The following ZFHX3 variants were observed in gnomAD, a reference collection of about 807,000 sequenced individuals.
ZFHX3 encodes the protein zinc finger homeobox 3.
ZFHX3 carries 42 observed loss-of-function variants against 279.1 expected under a neutral mutation model. That is an observed-to-expected ratio of 0.15 (90% CI 0.12 to 0.19). The LOEUF (loss-of-function observed/expected upper bound fraction) is 0.19, where lower values mean the gene tolerates loss of function less well. Among genes scored for constraint, ZFHX3 ranks in the 10% least tolerant of loss-of-function variants. The probability of loss-of-function intolerance (pLI) is 1.00; values close to 1 mark genes in which losing one functional copy is unlikely to be tolerated. For synonymous variants in ZFHX3, 2,293 were observed against 1,957.8 expected (o/e 1.17, Z -4.52); for missense variants, 4,981 against 4,754.0 (o/e 1.05, Z -1.40).
At chr16:73,470,653 C>T (rs761358381) in intron 2 of ZFHX3, among the ~76,000 whole-genome samples, 102 of 152,184 alleles carry the variant, frequency 6.7e-4, no homozygotes, top group Non-Finnish European at 1.2e-3. Flanking sequence ...CAACCTCACA[C>T]GCATTCATGT....
chr16:73,473,358 C>CAAAAAAAAAAAA (rs1300049292), intron 2 of ZFHX3, among the ~76,000 whole-genome samples: 2 of 43,162 alleles, frequency 4.6e-5, no homozygotes, highest in African/African-American at 7.9e-5. Flanking sequence ...AAAAAAAAAA[C>CAAAAAAAAAAAA]AAAAAAAAAA....
intron 5 of ZFHX3, among the ~76,000 whole-genome samples, chr16:73,206,713 T>C (rs1685196418): frequency 6.6e-6 from 1 of 152,134 alleles, no homozygotes; most frequent in African/African-American, 2.4e-5. Flanking sequence ...TTAAACAGAA[T>C]GCTCAGAAAA....
chr16:73,735,382 T>TAAAAA (rs1310717929), intron 1 of ZFHX3, among the ~76,000 whole-genome samples: 1 of 102,274 alleles, frequency 9.8e-6, no homozygotes. Context: ...TGTGTGCTTC[T>TAAAAA]AAAAAAAAAA....
chr16:72,819,793 T>A (rs968483705), intron 5 of ZFHX3, among the ~76,000 whole-genome samples: 14 of 152,218 alleles, frequency 9.2e-5, no homozygotes, highest in African/African-American at 2.9e-4. Flanking sequence ...CTGCTTACTC[T>A]AAAACAAATG....
At chr16:73,391,451 C>CAA (rs111841761) in intron 3 of ZFHX3, among the ~76,000 whole-genome samples, 29,523 of 147,716 alleles carry the variant, frequency 0.2, 2,973 homozygotes, top group East Asian at 0.35. Flanking sequence ...AACTCTGTCT[C>CAA]AAAAAAAAAA....
At position 72,793,372 on chromosome 16, in the gene ZFHX3, T is replaced by A. The variant is rs769544167; in HGVS notation, c.9310A>T (p.Thr3104Ser). ...AAQQQGMFDN[T>S]PLQALNLPTA... ...GGAAGGTTAAGGGCCTGAAGAGGGG[T>A]GTTGTCAAACATCCCTTGCTGCTGA... is the stretch of plus-strand genomic sequence containing the variant. Residue 3104 changes from threonine to serine, a missense_variant, in exon 9 of 10, where the codon ACC becomes TCC. Transcript: ENST00000268489. The surrounding 1 kb of genome is among the most constrained non-coding windows in gnomAD (Gnocchi z 4.3). 1 of 1,613,886 alleles carries A rather than the reference T, an allele frequency of 6.2e-7. No homozygotes were observed. The highest frequency in any genetic ancestry group is 1.3e-5 in the African/African-American group (1 of 74,844).
chr16:72,806,372 G>A (rs1158503005), intron 7 of ZFHX3, among the ~76,000 whole-genome samples: 1 of 152,186 alleles, frequency 6.6e-6, no homozygotes, highest in African/African-American at 2.4e-5. Flanking sequence ...TGTGCGCAGA[G>A]AGGTGAGAAC....
At chr16:73,795,160 C>A (rs948561669) in intron 1 of ZFHX3, among the ~76,000 whole-genome samples, 1 of 152,204 alleles carries the variant, frequency 6.6e-6, no homozygotes, top group Admixed American at 6.5e-5. Context: ...AGGCTCAGAC[C>A]GCAGCCAGGA....
intron 5 of ZFHX3, among the ~76,000 whole-genome samples, chr16:73,146,494 C>T (rs1486119113): frequency 6.6e-6 from 1 of 151,990 alleles, no homozygotes. Context: ...TACAAACCCC[C>T]AATGCAGCCT....
Position 72,794,804 on chromosome 16 carries a change from A to C in ZFHX3, c.7878T>G (p.Pro2626=), listed in dbSNP as rs765954350. ...CTCCTGTCCCACTGTCGTTTTCGCC[A>C]GGGCTTGCACTGGCCTTTTCCTCCA... ...RKLEEKASAS[P]GENDSGTGGE... Residue 2626 remains proline (P), a synonymous_variant, in exon 9 of 10, where the codon CCT becomes CCG. Coordinates refer to ENST00000268489, the MANE Select transcript of ZFHX3 (RefSeq NM_006885.4). The surrounding 1 kb of genome is among the most constrained non-coding windows in gnomAD (Gnocchi z 4.2). The C allele has an allele frequency of 6.2e-7, 1 of 1,614,110 alleles. No individual in the cohort carries two copies. The highest frequency in any genetic ancestry group is 1.1e-5 in the South Asian group (1 of 91,078).
intron 2 of ZFHX3, among the ~76,000 whole-genome samples, chr16:73,500,486 C>A (rs773620397): frequency 2.6e-5 from 4 of 151,976 alleles, no homozygotes; most frequent in Non-Finnish European, 4.4e-5. Flanking sequence ...TGCCACCATG[C>A]CTGGCTAATT....
At chr16:73,791,286 A>G (rs577700229) in intron 1 of ZFHX3, among the ~76,000 whole-genome samples, 1 of 152,126 alleles carries the variant, frequency 6.6e-6, no homozygotes, top group East Asian at 1.9e-4. Context: ...TTTGACTGGC[A>G]GAGTCCCAAG....
At chr16:73,435,295 ACCT>A (rs1440735239) in intron 3 of ZFHX3, among the ~76,000 whole-genome samples, 1 of 151,578 alleles carries the variant, frequency 6.6e-6, no homozygotes, top group Non-Finnish European at 1.5e-5. Flanking sequence ...TGCAACCTCC[ACCT>A]CCCGGGTTCA....
At chr16:72,946,003 G>A (rs185487130) in intron 3 of ZFHX3, among the ~76,000 whole-genome samples, 2 of 152,238 alleles carry the variant, frequency 1.3e-5, no homozygotes, top group East Asian at 1.9e-4. Context: ...TGATTTGCCC[G>A]TCTACCATAC....
chr16:73,773,536 T>C lies in ZFHX3; in HGVS notation c.-1607-93296A>G, dbSNP rs115048069. Among the ~76,000 whole-genome samples, 77 of 152,210 alleles carry C rather than the reference T, an allele frequency of 5.1e-4. 1 individual carries two copies. The highest frequency in any genetic ancestry group is 1.8e-3 in the African/African-American group (73 of 41,510). On this transcript the variant is annotated intron_variant, in intron 1 of 17. Transcript: ENST00000641206. ...CACCTGAGGCTTCCATTCCAGTGGA[T>C]GAGAGAAACAATTAACAAGTATCTA...
intron 2 of ZFHX3, among the ~76,000 whole-genome samples, chr16:73,614,194 G>T (rs748589334): frequency 2.0e-5 from 3 of 152,226 alleles, no homozygotes; most frequent in African/African-American, 7.2e-5. Context: ...ACACGTGAAC[G>T]TATGTGATGT....
At chr16:73,277,170 A>G (rs1244603022) in intron 4 of ZFHX3, among the ~76,000 whole-genome samples, 3 of 152,212 alleles carry the variant, frequency 2.0e-5, no homozygotes, top group Non-Finnish European at 4.4e-5. Context: ...TGCTGAGTTG[A>G]CTTACAAAAC....
chr16:73,832,306 C>T (rs1220280053), intron 1 of ZFHX3, among the ~76,000 whole-genome samples: 1 of 152,088 alleles, frequency 6.6e-6, no homozygotes, highest in Non-Finnish European at 1.5e-5. Flanking sequence ...CCAGCCTCCT[C>T]ACACATCCTG....
chr16:72,880,868 CA>C (rs144864854), intron 4 of ZFHX3, among the ~76,000 whole-genome samples: 2 of 152,324 alleles, frequency 1.3e-5, no homozygotes, highest in Non-Finnish European at 2.9e-5. Context: ...AAAGTCCTTT[CA>C]AAGTCCCTCA....
Sources: allele counts gnomAD v4.1 joint callset (sites outside exome capture counted in the v4.1 genomes callset), GRCh38; gene constraint gnomAD v4.1.1; non-coding constraint Gnocchi (gnomAD v3.1); transcripts MANE v1.5; gene names NCBI Gene and HGNC (gene_info 2026-07-23, HGNC 2026-07-21).